The following HDAC2 variants were observed in gnomAD, a reference collection of about 807,000 sequenced individuals.
HDAC2 encodes histone deacetylase 2, also known as YY1-associated factor 1.
In HDAC2, 5 loss-of-function variants were observed where a neutral mutation model predicts 68.5. That is an observed-to-expected ratio of 0.07 (90% CI 0.04 to 0.15). HDAC2 has a LOEUF of 0.15. HDAC2 is among the 10% of genes least tolerant of loss of function. The probability of loss-of-function intolerance (pLI) is 1.00; values close to 1 mark genes in which losing one functional copy is unlikely to be tolerated. For synonymous variants in HDAC2, 182 were observed against 191.3 expected (o/e 0.95, Z 0.40); for missense variants, 291 against 600.8 (o/e 0.48, Z 5.39).
chr6:113,964,040 G>C (rs1164900515), intron 1 of HDAC2, among the ~76,000 whole-genome samples: 5 of 152,116 alleles, frequency 3.3e-5, no homozygotes, highest in Admixed American at 1.3e-4. Flanking sequence ...TGGGTGGCAT[G>C]ATATAATCAA....
chr6:113,960,388 A>C (rs1776654952), intron 1 of HDAC2, among the ~76,000 whole-genome samples: 1 of 152,002 alleles, frequency 6.6e-6, no homozygotes, highest in African/African-American at 2.4e-5. Flanking sequence ...GTATGATTTA[A>C]AATTTTTTCA....
At chr6:113,947,801 T>C (rs184053414) in intron 8 of HDAC2, 2 of 152,252 alleles carry the variant, frequency 1.3e-5, no homozygotes, top group Non-Finnish European at 1.5e-5. Flanking sequence ...CTAATATAGC[T>C]GGTATAGTAG....
In HDAC2 at chr6:113,958,780, T is replaced by C. The variant is rs1328306769; in HGVS notation, c.166-14A>G. On this transcript the variant is annotated splice_polypyrimidine_tract_variant and intron_variant, in intron 2 of 13. Transcript: ENST00000519065. The stretch of plus-strand genomic sequence containing the variant: ...TTTATGGGGCCTCTGTGAAGAGAAA[T>C]AAATGTCAGAACTGTGGAATTACAA... 1.4e-6 allele frequency: 2 copies of C among 1,405,318 alleles called. No individual in the cohort carries two copies. Among genetic ancestry groups the C allele is most frequent in the Non-Finnish European group, 2.0e-6 (2 of 990,834 alleles). The allele number at this position is 1,405,318 out of a possible 1,614,324, so 87.1% of individuals were successfully genotyped here. A position where few individuals can be genotyped will look rare whatever the true frequency, so the allele number is the denominator to read the frequency against.
At position 113,970,970 on chromosome 6, in the gene HDAC2, C is replaced by G. The variant is rs1442639480; in HGVS notation, c.-62G>C. 6.4e-7 allele frequency: 1 copy of G among 1,565,894 alleles called. No homozygotes were observed. Among genetic ancestry groups the G allele is most frequent in the African/African-American group, 1.4e-5 (1 of 73,902 alleles). On this transcript the variant is annotated 5_prime_UTR_variant, in exon 1 of 14. Coordinates refer to ENST00000519065, the MANE Select transcript of HDAC2 (RefSeq NM_001527.4). ...CCTGCTGCTGCTGCTGCTGCTGCTGCCGCCGCGGCTCGGCCGGGAGAGAAA... is the reference window on the plus strand; with the variant it reads ...CCTGCTGCTGCTGCTGCTGCTGCTGGCGCCGCGGCTCGGCCGGGAGAGAAA...
At chr6:113,946,210 TTTTAAA>T in intron 8 of HDAC2, 62 bp from the exon 9 acceptor site, 6 of 1,405,520 alleles carry the variant, frequency 4.3e-6, no homozygotes, top group Non-Finnish European at 5.9e-6. Flanking sequence ...GAAAAATAAA[TTTTAAA>T]AAGATAATAA....
intron 1 of HDAC2, chr6:113,968,190 C>T (rs1306896923): frequency 1.2e-4 from 19 of 152,172 alleles, no homozygotes; most frequent in Admixed American, 1.2e-3. Flanking sequence ...TTTGCTACTT[C>T]CGTCCTTTTC....
chr6:113,959,111 T>C (rs1469302990), intron 2 of HDAC2, among the ~76,000 whole-genome samples: 3 of 152,082 alleles, frequency 2.0e-5, no homozygotes, highest in Non-Finnish European at 4.4e-5. Context: ...ATTTCATCAA[T>C]GAAATCACTC....
At chr6:113,943,651 GGAAT>G (rs374684204) in intron 11 of HDAC2, 145 bp from the exon 12 acceptor site, 285 of 494,600 alleles carry the variant, frequency 5.8e-4, no homozygotes, top group African/African-American at 5.1e-3. Flanking sequence ...AAATTTGAAT[GGAAT>G]GAATGGTTTA....
intron 8 of HDAC2, 163 bp downstream of exon 8, chr6:113,948,816 A>C (rs925871037): frequency 1.6e-6 from 1 of 628,908 alleles, no homozygotes; most frequent in Non-Finnish European, 2.6e-6. Context: ...TAATGAAACA[A>C]GAATAACTCT....
At chr6:113,970,835 C>T (rs916962532) in intron 1 of HDAC2, 22 bp downstream of exon 1, 25 of 1,534,432 alleles carry the variant, frequency 1.6e-5, no homozygotes, top group Non-Finnish European at 2.2e-5. Context: ...GCGCCCACCC[C>T]GACACCGGCC....
In HDAC2 at chr6:113,959,930, GC is replaced by G; in HGVS notation, c.140del (p.Gly47AlafsTer19). ...RMTHNLLLNY[G>X]LYRKMEIYRP... ...CATATATTTCCATTTTTCTGTATAA[GC>G]CATAATTTAACAGCAAGTTATGGGT... is the stretch of plus-strand genomic sequence containing the variant. On this transcript the variant is annotated frameshift_variant, in exon 2 of 14. Coordinates refer to ENST00000519065, the MANE Select transcript of HDAC2 (RefSeq NM_001527.4). LOFTEE classifies it high-confidence loss of function. 6.6e-7 allele frequency: 1 copy of G among 1,505,006 alleles called. No homozygotes were observed. Among genetic ancestry groups the G allele is most frequent in the Non-Finnish European group, 9.2e-7 (1 of 1,081,384 alleles). 93.2% of individuals were successfully genotyped at this position (1,505,006 alleles called of 1,614,324 possible).
At position 113,944,309 on chromosome 6, in the gene HDAC2, T is replaced by A. The variant is rs1335534405; in HGVS notation, c.1193A>T (p.Asp398Val). 2 of 1,612,708 alleles carry A rather than the reference T, an allele frequency of 1.2e-6. No individual in the cohort carries two copies. The highest frequency in any genetic ancestry group is 2.7e-5 in the African/African-American group (2 of 75,018). ...DAVHEDSGDE[D>V]GEDPDKRISI... is the part of the protein sequence containing the mutation. ...AATTCTCTTGTCTGGATCTTCTCCA[T>A]CTTCATCTCCACTGTCTTCATGAAC... Residue 398 changes from aspartate to valine, a missense_variant, in exon 11 of 14, where the codon GAT becomes GTT. Around this residue, in one of 2 missense-constraint regions of HDAC2, gnomAD observed 137 missense variants for 128.7 expected, o/e 1.06. Transcript: ENST00000519065.
At position 113,946,111 on chromosome 6, in the gene HDAC2, G is replaced by A. The variant is rs1287575911; in HGVS notation, c.879C>T (p.Asn293=). The A allele has an allele frequency of 1.2e-6, 2 of 1,613,498 alleles. No individual in the cohort carries two copies. Among genetic ancestry groups the A allele is most frequent in the African/African-American group, 1.3e-5 (1 of 75,058 alleles). The change falls in exon 9 of 14, where the codon AAC becomes AAT. Residue 293 remains asparagine, a synonymous_variant. Transcript: ENST00000519065. ...AKCVEVVKTF[N]LPLLMLGGGG... is the part of the protein sequence containing the mutation. ...CTCCTCCAAGCATCAGTAATGGTAAGTTAAAAGTTTTTACAACTTCTACAC... is the reference window on the plus strand; with the variant it reads ...CTCCTCCAAGCATCAGTAATGGTAAATTAAAAGTTTTTACAACTTCTACAC...
At chr6:113,960,757 C>T (rs1418812849) in intron 1 of HDAC2, among the ~76,000 whole-genome samples, 2 of 152,004 alleles carry the variant, frequency 1.3e-5, no homozygotes, top group East Asian at 3.8e-4. Flanking sequence ...AGGTAAAGCT[C>T]CAGTGTTTCC....
At chr6:113,946,686 G>A (rs1025073742) in intron 8 of HDAC2, 1 of 152,092 alleles carries the variant, frequency 6.6e-6, no homozygotes, top group East Asian at 1.9e-4. Flanking sequence ...CAACTTCTAC[G>A]TGTAGAAATT....
At chr6:113,970,058 C>G (rs1329375651) in intron 1 of HDAC2, 1 of 152,204 alleles carries the variant, frequency 6.6e-6, no homozygotes, top group East Asian at 1.9e-4. Context: ...TTATTTCCTA[C>G]GAAGTCTTTC....
chr6:113,942,361 G>A (rs2114587615), intron 12 of HDAC2, among the ~76,000 whole-genome samples: 1 of 150,338 alleles, frequency 6.7e-6, no homozygotes, highest in South Asian at 2.1e-4. Context: ...GTAGCCTATT[G>A]AGGAGTGAAT....
chr6:113,970,415 A>C (rs994770962), intron 1 of HDAC2: 2 of 1,003,370 alleles, frequency 2.0e-6, no homozygotes, highest in African/African-American at 1.7e-5. Context: ...CAAGGCCGGG[A>C]TAGAAATTTT....
chr6:113,942,103 A>C (rs1026536489), intron 12 of HDAC2, among the ~76,000 whole-genome samples: 1 of 152,108 alleles, frequency 6.6e-6, no homozygotes, highest in African/African-American at 2.4e-5. Flanking sequence ...CCTCATCACC[A>C]AATAGAGAGT....
Sources: allele counts gnomAD v4.1 joint callset (sites outside exome capture counted in the v4.1 genomes callset), GRCh38; gene constraint gnomAD v4.1.1; regional missense constraint gnomAD v4.1.1; transcripts MANE v1.5; gene names NCBI Gene and HGNC (gene_info 2026-07-23, HGNC 2026-07-21).